Variants in PCDH15 observed in about 807,000 individuals in gnomAD.
PCDH15 encodes the protein protocadherin related 15.
Under a neutral mutation model 178.5 loss-of-function variants are expected in PCDH15, and 129 were observed. That is an observed-to-expected ratio of 0.72 (90% CI 0.63 to 0.84). The LOEUF (loss-of-function observed/expected upper bound fraction) is 0.84. Among genes scored for constraint, PCDH15 ranks in the 40% least tolerant of loss-of-function variants. The pLI, the probability that PCDH15 is intolerant of heterozygous loss-of-function variation, is 0.00. For missense variants in PCDH15, 2,230 were observed against 2,099.9 expected, an observed-to-expected ratio of 1.06 and a Z score of -1.21; for synonymous variants, 800 against 732.0, an observed-to-expected ratio of 1.09 and a Z score of -1.50.
chr10:55,611,608 TA>T (rs910218307), intron 2 of PCDH15, among the ~76,000 whole-genome samples: 9 of 151,646 alleles, frequency 5.9e-5, no homozygotes, highest in African/African-American at 2.2e-4. Flanking sequence ...TTCTCAAAAA[TA>T]AAAAAAATAT....
chr10:53,995,866 C>T (rs903534589), intron 20 of PCDH15, 101 bp from the exon 21 acceptor site: 9 of 1,033,866 alleles, frequency 8.7e-6, no homozygotes, highest in Non-Finnish European at 1.2e-5. Flanking sequence ...ACTTATTTAC[C>T]ACTGTCAGCC....
intron 2 of PCDH15, among the ~76,000 whole-genome samples, chr10:54,962,180 C>G (rs1202313848): frequency 6.6e-6 from 1 of 152,250 alleles, no homozygotes; most frequent in Non-Finnish European, 1.5e-5. Context: ...CAGTGACATG[C>G]TCCTGGACTG....
intron 2 of PCDH15, among the ~76,000 whole-genome samples, chr10:55,582,626 ATAT>A (rs1208501017): frequency 9.1e-4 from 56 of 61,228 alleles, no homozygotes; most frequent in African/African-American, 2.8e-3. Flanking sequence ...ATATATATAT[ATAT>A]TTTTTTTTTT....
At chr10:55,043,504 T>A (rs1203104583) in intron 2 of PCDH15, among the ~76,000 whole-genome samples, 1 of 151,818 alleles carries the variant, frequency 6.6e-6, no homozygotes, top group Non-Finnish European at 1.5e-5. Flanking sequence ...AGCCCAGAAG[T>A]GGGAGACCAG....
At chr10:55,608,659 T>G (rs1268698672) in intron 2 of PCDH15, among the ~76,000 whole-genome samples, 1 of 151,950 alleles carries the variant, frequency 6.6e-6, no homozygotes, top group African/African-American at 2.4e-5. Context: ...AAGAAGACTT[T>G]AATCAGGTGC....
At chr10:54,891,706 A>C (rs1357772098) in intron 3 of PCDH15, among the ~76,000 whole-genome samples, 1 of 152,166 alleles carries the variant, frequency 6.6e-6, no homozygotes, top group Non-Finnish European at 1.5e-5. Flanking sequence ...AGCAGTCATT[A>C]GTTCTTACGT....
intron 2 of PCDH15, among the ~76,000 whole-genome samples, chr10:55,346,013 A>G (rs1265746559): frequency 2.6e-5 from 4 of 152,048 alleles, no homozygotes; most frequent in Admixed American, 6.6e-5. Context: ...GACTATTTCA[A>G]AAAAAACTCT....
At chr10:55,360,332 A>G (rs781777846) in intron 2 of PCDH15, among the ~76,000 whole-genome samples, 16 of 152,016 alleles carry the variant, frequency 1.1e-4, no homozygotes, top group Non-Finnish European at 2.1e-4. Context: ...ATAAGAGGCT[A>G]TCTTCATGAC....
chr10:55,176,912 C>T lies in PCDH15; in HGVS notation c.-155-10261G>A, dbSNP rs118157130. ...CTGAGACAGGCCCTACCTGTTTGGG[C>T]AGGCATTGTCAAGGGATCTCTCTTT... On this transcript the variant is annotated intron_variant, in intron 1 of 5. Coordinates refer to the PCDH15 transcript ENST00000458638. 4.8e-3 allele frequency among the ~76,000 whole-genome samples: 736 copies of T among 152,210 alleles called. 3 individuals carry two copies. Among genetic ancestry groups the T allele is most frequent in the Middle Eastern group, 0.027 (8 of 294 alleles).
intron 5 of PCDH15, among the ~76,000 whole-genome samples, chr10:54,354,492 G>A (rs1944659773): frequency 6.6e-6 from 1 of 152,082 alleles, no homozygotes; most frequent in African/African-American, 2.4e-5. Flanking sequence ...GAGAAAAATG[G>A]GGACAAGTAA....
At chr10:54,780,182 C>G (rs965721590) in intron 1 of PCDH15, among the ~76,000 whole-genome samples, 3 of 152,082 alleles carry the variant, frequency 2.0e-5, no homozygotes, top group Non-Finnish European at 2.9e-5. Flanking sequence ...CTAGGGAATA[C>G]TTCATCACTT....
chr10:55,353,599 G>T (rs1844999579), intron 2 of PCDH15, among the ~76,000 whole-genome samples: 1 of 151,992 alleles, frequency 6.6e-6, no homozygotes, highest in South Asian at 2.1e-4. Context: ...AGATCTGCTT[G>T]GCCTCACATA....
At chr10:55,248,525 C>T (rs16907167) in intron 1 of PCDH15, among the ~76,000 whole-genome samples, 1,603 of 152,128 alleles carry the variant, frequency 0.011, 39 homozygotes, top group African/African-American at 0.037. Context: ...AATGGATACG[C>T]GGATAAGCAT....
chr10:53,823,442 T>A, intron 32 of PCDH15: 1 of 1,219,662 alleles, frequency 8.2e-7, no homozygotes, highest in Non-Finnish European at 1.2e-6. Flanking sequence ...TGGCTCTCAT[T>A]ACTATTAAAT....
Position 54,105,275 on chromosome 10 carries a change from G to GAT in PCDH15, c.1918-15213_1918-15212insAT, listed in dbSNP as rs1491261944. Among the ~76,000 whole-genome samples the GAT allele has an allele frequency of 5.0e-4, 24 of 47,834 alleles. No homozygotes were observed. The East Asian group carries it at 0.013, about 25-fold the overall frequency. The allele number at this position is 47,834 out of a possible 152,430, so 31.4% of individuals were successfully genotyped here. A position where few individuals can be genotyped will look rare whatever the true frequency, so the allele number is the denominator to read the frequency against. On this transcript the variant is annotated intron_variant, in intron 15 of 37. Coordinates refer to ENST00000644397, the MANE Select transcript of PCDH15 (RefSeq NM_001384140.1). The stretch of plus-strand genomic sequence containing the variant: ...AGATATAGATATAGACATATAGATG[G>GAT]AGATATATATATATATATATATATA...
At chr10:55,447,434 C>A (rs972512850) in intron 2 of PCDH15, among the ~76,000 whole-genome samples, 5 of 151,738 alleles carry the variant, frequency 3.3e-5, no homozygotes, top group African/African-American at 1.2e-4. Flanking sequence ...CTTAATAAGC[C>A]CTTTGAGGAA....
At chr10:53,824,046 T>TATAA (rs2076504535) in intron 32 of PCDH15, among the ~76,000 whole-genome samples, 1 of 152,122 alleles carries the variant, frequency 6.6e-6, no homozygotes, top group Non-Finnish European at 1.5e-5. Flanking sequence ...TTTAAAACCT[T>TATAA]ATAAATAGTA....
intron 3 of PCDH15, among the ~76,000 whole-genome samples, chr10:54,525,738 C>T (rs570951945): frequency 6.6e-6 from 1 of 152,276 alleles, no homozygotes; most frequent in Admixed American, 6.5e-5. Context: ...GGACTACAGG[C>T]ATGAGCCACC....
chr10:54,167,060 G>A (rs1269000726), intron 13 of PCDH15, among the ~76,000 whole-genome samples: 1 of 152,128 alleles, frequency 6.6e-6, no homozygotes, highest in African/African-American at 2.4e-5. Flanking sequence ...CTGCACCTGG[G>A]TGAAATAAAC....
Sources: allele counts gnomAD v4.1 joint callset (sites outside exome capture counted in the v4.1 genomes callset), GRCh38; gene constraint gnomAD v4.1.1; transcripts MANE v1.5; gene names NCBI Gene and HGNC (gene_info 2026-07-23, HGNC 2026-07-21).